PRTG: variants seen among roughly 807,000 people sequenced by gnomAD.
PRTG encodes protogenin.
In PRTG, 67 loss-of-function variants were observed where a neutral mutation model predicts 122.5. The ratio of observed to expected loss-of-function variants is 0.55; its 90% CI spans 0.45 to 0.67. The LOEUF (loss-of-function observed/expected upper bound fraction) is 0.67, where lower values mean the gene tolerates loss of function less well. PRTG is among the 30% of genes least tolerant of loss of function. The pLI is 0.00. For missense variants in PRTG, 1,435 were observed against 1,415.4 expected (o/e 1.01, Z -0.22); for synonymous variants, 554 against 501.1 (o/e 1.11, Z -1.41).
chr15:55,712,591 A>G (rs760975896), intron 2 of PRTG, among the ~76,000 whole-genome samples: 20 of 152,236 alleles, frequency 1.3e-4, no homozygotes, highest in Admixed American at 3.9e-4. Context: ...TGAATTAACC[A>G]TGTGGTAATC....
At chr15:55,734,229 A>G (rs980017808) in intron 2 of PRTG, among the ~76,000 whole-genome samples, 6 of 152,206 alleles carry the variant, frequency 3.9e-5, no homozygotes, top group Non-Finnish European at 8.8e-5. Context: ...TCTTTTTGGT[A>G]AATATTAGTA....
intron 11 of PRTG, among the ~76,000 whole-genome samples, chr15:55,667,282 T>C (rs1473196143): frequency 6.6e-6 from 1 of 152,152 alleles, no homozygotes; most frequent in Non-Finnish European, 1.5e-5. Context: ...GTAAACACTT[T>C]ATTTTTCATT....
chr15:55,738,039 C>G (rs1324299992), intron 2 of PRTG, among the ~76,000 whole-genome samples: 1 of 123,492 alleles, frequency 8.1e-6, no homozygotes, highest in Non-Finnish European at 1.7e-5. Flanking sequence ...CACACACACA[C>G]ACACACACAC....
In PRTG at chr15:55,620,674, G is replaced by GT; in HGVS notation, c.3186dup (p.Gln1063ThrfsTer3). ...TTTAGATAGGTTACCTGCTCAACTT[G>GT]TATCTTCTTTGAGTCTTGGAAAAAA... On this transcript the variant is annotated frameshift_variant, in exon 19 of 20. Transcript: ENST00000389286. LOFTEE classifies it high-confidence loss of function. The GT allele has an allele frequency of 6.3e-7, 1 of 1,591,142 alleles. No homozygotes were observed. The highest frequency in any genetic ancestry group is 8.5e-7 in the Non-Finnish European group (1 of 1,174,278).
chr15:55,650,886 G>C (rs953334068), intron 11 of PRTG, among the ~76,000 whole-genome samples: 1 of 152,120 alleles, frequency 6.6e-6, no homozygotes, highest in East Asian at 1.9e-4. Flanking sequence ...AGGATTGCTT[G>C]AGCCCAGGAG....
Position 55,713,731 on chromosome 15 carries a change from C to T in PRTG, c.397+26651G>A, listed in dbSNP as rs534114118. Among the ~76,000 whole-genome samples the T allele has an allele frequency of 9.1e-3, 859 of 94,496 alleles. 4 individuals are homozygous for T. Among genetic ancestry groups the T allele is most frequent in the Non-Finnish European group, 0.015 (520 of 35,524 alleles). 62.0% of individuals were successfully genotyped at this position (94,496 alleles called of 152,430 possible). On this transcript the variant is annotated intron_variant, in intron 2 of 19. Transcript: ENST00000389286. The stretch of plus-strand genomic sequence containing the variant: ...TTTATGTTTTCCCTACTTTGAATTG[C>T]TATTTTTTTACTAGGATGTTTGCTT...
intron 2 of PRTG, among the ~76,000 whole-genome samples, chr15:55,709,769 AAC>A (rs1345015148): frequency 2.6e-5 from 4 of 152,208 alleles, no homozygotes; most frequent in Admixed American, 2.6e-4. Context: ...TGTACAAACA[AAC>A]GAGTACATAT....
chr15:55,643,430 A>G (rs746098954), intron 11 of PRTG, among the ~76,000 whole-genome samples: 56 of 152,266 alleles, frequency 3.7e-4, no homozygotes, highest in Non-Finnish European at 7.1e-4. Context: ...TGTGATACCA[A>G]TGTTTCTTTT....
At chr15:55,717,311 T>C (rs1476288885) in intron 2 of PRTG, among the ~76,000 whole-genome samples, 6 of 152,156 alleles carry the variant, frequency 3.9e-5, no homozygotes, top group Admixed American at 6.5e-5. Flanking sequence ...GGAAAAACAA[T>C]ATTATCTGTA....
chr15:55,723,622 A>G (rs1420782395), intron 2 of PRTG, among the ~76,000 whole-genome samples: 2 of 152,214 alleles, frequency 1.3e-5, no homozygotes, highest in Non-Finnish European at 2.9e-5. Context: ...AGAGATCCAC[A>G]TAGAAATACA....
At chr15:55,736,218 G>C (rs923379357) in intron 2 of PRTG, among the ~76,000 whole-genome samples, 1 of 152,054 alleles carries the variant, frequency 6.6e-6, no homozygotes, top group South Asian at 2.1e-4. Context: ...TAGGCACGCA[G>C]GTAAGAGACT....
At chr15:55,719,074 C>T (rs2141865475) in intron 2 of PRTG, among the ~76,000 whole-genome samples, 1 of 152,194 alleles carries the variant, frequency 6.6e-6, no homozygotes, top group South Asian at 2.1e-4. Flanking sequence ...GAATTTCATA[C>T]ACATATATAA....
chr15:55,635,719 T>C (rs187062331), intron 15 of PRTG, among the ~76,000 whole-genome samples: 87 of 152,316 alleles, frequency 5.7e-4, no homozygotes, highest in Non-Finnish European at 1.1e-3. Context: ...CATCATCTGC[T>C]TATTTTAAAA....
chr15:55,630,390 G>A (rs1036101871), intron 15 of PRTG, among the ~76,000 whole-genome samples: 2 of 152,056 alleles, frequency 1.3e-5, no homozygotes, highest in Non-Finnish European at 1.5e-5. Flanking sequence ...CCCAAAGTAC[G>A]AGGATTACAG....
intron 11 of PRTG, among the ~76,000 whole-genome samples, chr15:55,651,521 G>T (rs1461972285): frequency 6.6e-6 from 1 of 152,076 alleles, no homozygotes; most frequent in Admixed American, 6.6e-5. Flanking sequence ...AGTAAGTACT[G>T]CCTGATTGAA....
rs1249980910 is a variant in PRTG, at chr15:55,675,535, C to G, written c.1530G>C (p.Gln510His). The change falls in exon 9 of 20, where the codon CAG becomes CAC. Residue 510 changes from glutamine to histidine, a missense_variant. Physicochemically the swap from Gln to His is conservative, Grantham distance 24. Transcript: ENST00000389286. ...TTTTCTTACCATCCTCTAGAGTATTCTGTGTCACATGGTCAGACATCTGGC... is the reference window on the plus strand; with the variant it reads ...TTTTCTTACCATCCTCTAGAGTATTGTGTGTCACATGGTCAGACATCTGGC... ...GASQMSDHVTQNTLEDVPLRP... is the reference protein window; with the variant it reads ...GASQMSDHVTHNTLEDVPLRP... 6.8e-6 allele frequency: 11 copies of G among 1,610,948 alleles called. No homozygotes were observed. The highest frequency in any genetic ancestry group is 5.0e-5 in the Admixed American group (3 of 59,972).
intron 17 of PRTG, among the ~76,000 whole-genome samples, chr15:55,626,017 G>A (rs763485897): frequency 6.6e-6 from 1 of 152,112 alleles, no homozygotes; most frequent in African/African-American, 2.4e-5. Context: ...CTTCCCAAAG[G>A]TCTGGGATTA....
At chr15:55,673,705 T>TA in intron 9 of PRTG, 29 bp from the exon 10 acceptor site, 3 of 1,583,346 alleles carry the variant, frequency 1.9e-6, no homozygotes, top group East Asian at 4.5e-5. Flanking sequence ...AGGTTGTTTA[T>TA]AAATATTTAG....
At chr15:55,670,250 T>TC (rs762078593) in intron 11 of PRTG, among the ~76,000 whole-genome samples, 59 of 151,544 alleles carry the variant, frequency 3.9e-4, no homozygotes, top group Non-Finnish European at 7.1e-4. Flanking sequence ...AACCCAAGTT[T>TC]TTTTCTAATA....
Sources: gnomAD v4.1 joint callset for allele counts (sites outside exome capture counted in the v4.1 genomes callset) on GRCh38, gnomAD v4.1.1 for gene constraint, MANE v1.5 for transcripts, NCBI Gene and HGNC (gene_info 2026-07-23, HGNC 2026-07-21) for gene names.